Variants in TMX2 observed in about 807,000 individuals in gnomAD.
TMX2 encodes the protein thioredoxin related transmembrane protein 2.
A neutral mutation model predicts 33.4 loss-of-function variants in TMX2; 20 were observed. The ratio of observed to expected loss-of-function variants is 0.60; its 90% confidence interval spans 0.42 to 0.87. TMX2 has a LOEUF of 0.87. TMX2 is among the 40% of genes least tolerant of loss of function. TMX2 has a pLI of 0.00. For missense variants in TMX2, 340 were observed against 370.7 expected (o/e 0.92, Z 0.68); for synonymous variants, 166 against 140.7 (o/e 1.18, Z -1.27).
chr11:57,722,468 AAAGT>A (rs1359069721), intron 1 of TMX2, among the ~76,000 whole-genome samples: 1 of 152,226 alleles, frequency 6.6e-6, no homozygotes, highest in Non-Finnish European at 1.5e-5. Flanking sequence ...CTAATTATCT[AAAGT>A]AAGGGAGAAA....
chr11:57,726,518 G>A (rs1948005134), intron 1 of TMX2, among the ~76,000 whole-genome samples: 1 of 151,298 alleles, frequency 6.6e-6, no homozygotes, highest in Non-Finnish European at 1.5e-5. Context: ...AGTAATGAAT[G>A]CCTGTCCACA....
chr11:57,740,414 A>G lies in TMX2; in HGVS notation c.*169A>G. 1 of 764,818 alleles carries G rather than the reference A, an allele frequency of 1.3e-6. No homozygotes were observed. Among genetic ancestry groups the G allele is most frequent in the South Asian group, 2.1e-5 (1 of 46,946 alleles). 47.4% of individuals were successfully genotyped at this position (764,818 alleles called of 1,614,324 possible). ...CATCTAGGGAATTGTCAGGCACCCTACAGGAAGGCCTGCCATGCTGTGGCC... is the reference window on the plus strand; with the variant it reads ...CATCTAGGGAATTGTCAGGCACCCTGCAGGAAGGCCTGCCATGCTGTGGCC... On this transcript the variant is annotated 3_prime_UTR_variant, in exon 8 of 8. Coordinates refer to ENST00000278422, the MANE Select transcript of TMX2 (RefSeq NM_015959.4).
At chr11:57,719,514 C>CTTTTTTTTTTTTTTTTT (rs1183104624) in intron 1 of TMX2, among the ~76,000 whole-genome samples, 2 of 70,510 alleles carry the variant, frequency 2.8e-5, no homozygotes, top group African/African-American at 5.6e-5. Context: ...TTTTCTTTGT[C>CTTTTTTTTTTTTTTTTT]TTTTTTTTTT....
chr11:57,719,452 C>T (rs1451126686), intron 1 of TMX2, among the ~76,000 whole-genome samples: 5 of 149,460 alleles, frequency 3.3e-5, no homozygotes, highest in Admixed American at 6.7e-5. Flanking sequence ...TCCTTGTGTT[C>T]ACTTCCTTTC....
chr11:57,717,640 C>T lies in TMX2; in HGVS notation c.189+4833C>T, dbSNP rs532603967. ...ATCAGGCAGGGAGGTTGCAGTGAGC[C>T]GAGATGGCAGCAGTACAGTCCAGCT... On this transcript the variant is annotated intron_variant, in intron 1 of 7. Coordinates refer to ENST00000278422, the MANE Select transcript of TMX2 (RefSeq NM_015959.4). Among the ~76,000 whole-genome samples the T allele has an allele frequency of 9.9e-3, 1,463 of 148,376 alleles. 28 individuals are homozygous for T. Among genetic ancestry groups the T allele is most frequent in the African/African-American group, 0.035 (1,402 of 40,468 alleles).
rs958272754 is a variant in TMX2, at chr11:57,728,621, T to TTGTA, written c.190-8986_190-8983dup. Among the ~76,000 whole-genome samples, 11 of 152,296 alleles carry TTGTA rather than the reference T, an allele frequency of 7.2e-5. No homozygotes were observed. The South Asian group carries it at 1.4e-3, about 20-fold the overall frequency. ...GGAAGTTGTTGTTTAAGGATCCTGA[T>TTGTA]TGTAGTTTGGGTATGCATTCTGAAG... On this transcript the variant is annotated intron_variant, in intron 1 of 7. Transcript: ENST00000278422.
At chr11:57,740,054 C>T (rs565772262) in intron 7 of TMX2, 45 bp from the exon 8 acceptor site, 5 of 1,612,752 alleles carry the variant, frequency 3.1e-6, no homozygotes, top group Non-Finnish European at 4.2e-6. Context: ...GCTCTTTACT[C>T]TCCCTTCCAA....
rs1948876569 is a variant in TMX2, at chr11:57,738,346, G to A, written c.365-8G>A. 6 of 1,591,310 alleles carry A rather than the reference G, an allele frequency of 3.8e-6. No individual in the cohort carries two copies. The highest frequency in any genetic ancestry group is 3.4e-6 in the Non-Finnish European group (4 of 1,160,006). On this transcript the variant is annotated splice_region_variant and splice_polypyrimidine_tract_variant and intron_variant, in intron 3 of 7. Transcript: ENST00000278422. ...ATGTTTCCTTCGACATCTTCTTTCT[G>A]TATTTAGTGTTCCTGATGACGTGCA...
At chr11:57,717,660 C>G (rs1305314299) in intron 1 of TMX2, among the ~76,000 whole-genome samples, 1 of 140,454 alleles carries the variant, frequency 7.1e-6, no homozygotes, top group Non-Finnish European at 1.5e-5. Flanking sequence ...GCAGTACAGT[C>G]CAGCTTCGGC....
chr11:57,719,989 CAAAA>C (rs367911585), intron 1 of TMX2, among the ~76,000 whole-genome samples: 1 of 151,360 alleles, frequency 6.6e-6, no homozygotes, highest in Non-Finnish European at 1.5e-5. Flanking sequence ...TTGAGGAAGA[CAAAA>C]AAAAGGTGCC....
At chr11:57,733,127 A>C (rs1338232702) in intron 1 of TMX2, among the ~76,000 whole-genome samples, 1 of 151,800 alleles carries the variant, frequency 6.6e-6, no homozygotes, top group Non-Finnish European at 1.5e-5. Flanking sequence ...TATGTGGTCT[A>C]TTGCTGACCA....
intron 2 of TMX2, 102 bp downstream of exon 2, chr11:57,737,770 T>C: frequency 1.3e-6 from 2 of 1,576,150 alleles, no homozygotes; most frequent in Non-Finnish European, 1.7e-6. Context: ...AAATTTGTCC[T>C]ACGTTTAATT....
chr11:57,725,956 A>T (rs1051422453), intron 1 of TMX2, among the ~76,000 whole-genome samples: 16 of 152,158 alleles, frequency 1.1e-4, no homozygotes, highest in African/African-American at 3.9e-4. Context: ...TGGGTATAAT[A>T]CTCCAAATTA....
chr11:57,729,349 G>A (rs1477970014), intron 1 of TMX2, among the ~76,000 whole-genome samples: 1 of 151,788 alleles, frequency 6.6e-6, no homozygotes, highest in Admixed American at 6.6e-5. Context: ...GCTTTAGATC[G>A]GCTGTTACTT....
chr11:57,721,961 C>A (rs1363974722), intron 1 of TMX2, among the ~76,000 whole-genome samples: 72 of 152,192 alleles, frequency 4.7e-4, no homozygotes, highest in Admixed American at 4.7e-3. Flanking sequence ...TTCCTTCTCA[C>A]TGAAGTAATT....
chr11:57,738,440 C>G lies in TMX2; in HGVS notation c.441+10C>G, dbSNP rs770447204. 6.3e-7 allele frequency: 1 copy of G among 1,596,562 alleles called. No homozygotes were observed. The highest frequency in any genetic ancestry group is 8.6e-7 in the Non-Finnish European group (1 of 1,164,626). On this transcript the variant is annotated intron_variant, in intron 4 of 7. Transcript: ENST00000278422. ...TGATAAAACCATTGATGTGAGTGCT[C>G]TTTCCCCTTTCTGTTTCTTGGGTCC...
intron 1 of TMX2, among the ~76,000 whole-genome samples, chr11:57,717,585 C>T (rs965105277): frequency 1.2e-4 from 18 of 152,048 alleles, no homozygotes; most frequent in African/African-American, 3.4e-4. Context: ...TGCCTGCAAT[C>T]GCAGGCACTC....
intron 1 of TMX2, among the ~76,000 whole-genome samples, chr11:57,718,736 A>G (rs1269242348): frequency 1.4e-5 from 2 of 144,694 alleles, no homozygotes; most frequent in Non-Finnish European, 1.5e-5. Context: ...GCTCACTGCA[A>G]CCTCCGTCTC....
At chr11:57,738,048 CTT>C (rs751575175) in intron 3 of TMX2, 22 bp downstream of exon 3, 2,301 of 1,268,718 alleles carry the variant, frequency 1.8e-3, no homozygotes, top group Non-Finnish European at 2.1e-3. Context: ...GCCTTTCTTT[CTT>C]TTTTTTTTTT....
Sources: gnomAD v4.1 joint callset for allele counts (sites outside exome capture counted in the v4.1 genomes callset) on GRCh38, gnomAD v4.1.1 for gene constraint, MANE v1.5 for transcripts, NCBI Gene and HGNC (gene_info 2026-07-23, HGNC 2026-07-21) for gene names.